The following PDSS2 variants were observed in gnomAD, a reference collection of about 807,000 sequenced individuals.
PDSS2 encodes the protein decaprenyl diphosphate synthase subunit 2.
PDSS2 carries 31 observed loss-of-function variants against 44.5 expected under a neutral mutation model. The ratio of observed to expected loss-of-function variants is 0.70; its 90% CI spans 0.52 to 0.94. The LOEUF (loss-of-function observed/expected upper bound fraction) is 0.94, where lower values mean the gene tolerates loss of function less well. Among genes scored for constraint, PDSS2 ranks in the 40% least tolerant of loss-of-function variants. The probability of loss-of-function intolerance (pLI) is 0.00; values close to 1 mark genes in which losing one functional copy is unlikely to be tolerated. For synonymous variants in PDSS2, 157 were observed against 180.3 expected (o/e 0.87, Z 1.03); for missense variants, 452 against 482.2 (o/e 0.94, Z 0.59).
chr6:107,458,929 C>G (rs1178973323), intron 1 of PDSS2, 61 bp downstream of exon 1: 64 of 1,510,590 alleles, frequency 4.2e-5, no homozygotes, highest in Non-Finnish European at 5.1e-5. Context: ...ATGCGTATGC[C>G]CGCCAGAAAA....
rs190999034 is a variant in PDSS2 at position 107,173,344 on chromosome 6, C to T, written c.1042-18567G>A. 2.1e-3 allele frequency among the ~76,000 whole-genome samples: 317 copies of T among 151,694 alleles called. 1 individual carries two copies. The highest frequency in any genetic ancestry group is 0.013 in the South Asian group (61 of 4,808). The stretch of plus-strand genomic sequence containing the variant: ...ATCCCAGCATTTTGGGAGGCCGAGG[C>T]GGGCGGATCACCTGAGGTCACGAGA... On this transcript the variant is annotated intron_variant, in intron 7 of 7. Transcript: ENST00000369037.
At chr6:107,167,921 TG>T (rs1771414345) in intron 7 of PDSS2, among the ~76,000 whole-genome samples, 3 of 152,100 alleles carry the variant, frequency 2.0e-5, no homozygotes. Flanking sequence ...TTTGGATTGG[TG>T]TGGTGTGGTG....
intron 2 of PDSS2, among the ~76,000 whole-genome samples, chr6:107,294,517 G>A (rs1396665227): frequency 6.6e-6 from 1 of 151,996 alleles, no homozygotes; most frequent in Non-Finnish European, 1.5e-5. Flanking sequence ...GAGTAGCTAG[G>A]ACTGCAGGCT....
At chr6:107,266,102 T>C (rs1275095014) in intron 3 of PDSS2, among the ~76,000 whole-genome samples, 1 of 152,226 alleles carries the variant, frequency 6.6e-6, no homozygotes, top group East Asian at 1.9e-4. Context: ...TCTTCTGAGA[T>C]ATAACTTCAC....
intron 6 of PDSS2, among the ~76,000 whole-genome samples, chr6:107,209,100 A>G (rs1319099875): frequency 2.6e-5 from 4 of 152,170 alleles, no homozygotes; most frequent in Non-Finnish European, 5.9e-5. Context: ...TGGATTTAAT[A>G]TCCTTCCTTG....
chr6:107,171,563 G>A (rs1163130342), intron 7 of PDSS2, among the ~76,000 whole-genome samples: 1 of 151,846 alleles, frequency 6.6e-6, no homozygotes, highest in Admixed American at 6.6e-5. Context: ...CTAGGCTGGA[G>A]TGCAGTGGTA....
chr6:107,369,113 A>G lies in PDSS2; in HGVS notation c.297-34781T>C, dbSNP rs190123014. ...GGTGCTGGGGCAACTGAATATTCAT[A>G]TATTTATTTTTAAAACACAGAACAG... On this transcript the variant is annotated intron_variant, in intron 1 of 7. Coordinates refer to ENST00000369037, the MANE Select transcript of PDSS2 (RefSeq NM_020381.4). Among the ~76,000 whole-genome samples the G allele has an allele frequency of 7.2e-3, 1,096 of 152,306 alleles. 10 individuals carry two copies. The highest frequency in any genetic ancestry group is 0.012 in the Non-Finnish European group (806 of 68,022).
intron 4 of PDSS2, among the ~76,000 whole-genome samples, chr6:107,221,250 G>A (rs559014761): frequency 1.3e-5 from 2 of 150,666 alleles, no homozygotes; most frequent in South Asian, 4.2e-4. Flanking sequence ...GCTGAGGCAG[G>A]TGAATGGCGT....
chr6:107,192,066 C>T (rs1772399888), intron 7 of PDSS2, among the ~76,000 whole-genome samples: 1 of 152,184 alleles, frequency 6.6e-6, no homozygotes, highest in Non-Finnish European at 1.5e-5. Flanking sequence ...AGTCATTAAA[C>T]AACAGCAACA....
chr6:107,330,377 T>A (rs1399777749), intron 2 of PDSS2, among the ~76,000 whole-genome samples: 2 of 152,174 alleles, frequency 1.3e-5, no homozygotes, highest in African/African-American at 2.4e-5. Flanking sequence ...TTGGCATACT[T>A]GCTTCAGTCT....
At chr6:107,302,069 G>C (rs1310581576) in intron 2 of PDSS2, among the ~76,000 whole-genome samples, 2 of 151,656 alleles carry the variant, frequency 1.3e-5, no homozygotes, top group Non-Finnish European at 2.9e-5. Context: ...TTATTGACTT[G>C]TATTCTTAAA....
rs140666735 is a variant in PDSS2 at position 107,397,373 on chromosome 6, A to G, written c.296+61617T>C. Reference sequence around the variant, plus strand: ...ATGTACATTTATAGTTTTCAGTGCCATATACCCACAGTAAGAAAAAAATAC... The same window carrying G: ...ATGTACATTTATAGTTTTCAGTGCCGTATACCCACAGTAAGAAAAAAATAC... On this transcript the variant is annotated intron_variant, in intron 1 of 7. Transcript: ENST00000369037. Among the ~76,000 whole-genome samples, 54 of 152,330 alleles carry G rather than the reference A, an allele frequency of 3.5e-4. No individual in the cohort carries two copies. In the East Asian group the frequency reaches 7.7e-3, roughly 22 times the overall value.
intron 1 of PDSS2, among the ~76,000 whole-genome samples, chr6:107,438,057 C>T (rs1400598046): frequency 2.0e-5 from 3 of 152,118 alleles, no homozygotes; most frequent in South Asian, 2.1e-4. Context: ...CTGACAGAAA[C>T]GAAGTGGGCA....
At chr6:107,371,038 C>T (rs991802063) in intron 1 of PDSS2, among the ~76,000 whole-genome samples, 2 of 151,998 alleles carry the variant, frequency 1.3e-5, no homozygotes, top group Admixed American at 1.3e-4. Flanking sequence ...CAAAAATTAG[C>T]CGGGCTTGGT....
intron 4 of PDSS2, among the ~76,000 whole-genome samples, chr6:107,221,184 T>A (rs1305953956): frequency 6.6e-6 from 1 of 151,764 alleles, no homozygotes; most frequent in Non-Finnish European, 1.5e-5. Context: ...CTACCAAAAA[T>A]GCAAAAAATT....
intron 2 of PDSS2, among the ~76,000 whole-genome samples, chr6:107,312,411 T>A (rs1162352376): frequency 1.3e-5 from 2 of 152,200 alleles, no homozygotes; most frequent in Non-Finnish European, 2.9e-5. Context: ...AGAGGTAGTA[T>A]AGCTAAGCTA....
intron 2 of PDSS2, among the ~76,000 whole-genome samples, chr6:107,320,824 T>C (rs1019164754): frequency 6.6e-6 from 1 of 152,170 alleles, no homozygotes; most frequent in African/African-American, 2.4e-5. Context: ...AAAAAGTTTA[T>C]AACCTGATGT....
At chr6:107,156,411 G>C (rs1554245657) in intron 7 of PDSS2, among the ~76,000 whole-genome samples, 18 of 151,676 alleles carry the variant, frequency 1.2e-4, no homozygotes, top group Non-Finnish European at 2.4e-4. Flanking sequence ...AGCCAGGATG[G>C]TCTCCATCTC....
At chr6:107,334,025 A>G (rs1201273272) in intron 2 of PDSS2, among the ~76,000 whole-genome samples, 173 bp downstream of exon 2, 1 of 152,248 alleles carries the variant, frequency 6.6e-6, no homozygotes, top group Non-Finnish European at 1.5e-5. Context: ...AGTTATGTGT[A>G]GAGTTGGCCA....
Sources: allele counts gnomAD v4.1 joint callset (sites outside exome capture counted in the v4.1 genomes callset), GRCh38; gene constraint gnomAD v4.1.1; transcripts MANE v1.5; gene names NCBI Gene and HGNC (gene_info 2026-07-23, HGNC 2026-07-21).